EPB41L4A: variants seen among roughly 807,000 people sequenced by gnomAD.
The protein encoded by EPB41L4A is erythrocyte membrane protein band 4.1 like 4A.
A neutral mutation model predicts 108.6 loss-of-function variants in EPB41L4A; 100 were observed. The ratio of observed to expected loss-of-function variants is 0.92; its 90% CI spans 0.78 to 1.09. The LOEUF is 1.09. Ranked by LOEUF, EPB41L4A falls within the 50% of genes least tolerant of loss-of-function variation. The pLI, the probability that EPB41L4A is intolerant of heterozygous loss-of-function variation, is 0.00. For missense variants in EPB41L4A, 1,030 were observed against 842.7 expected, an observed-to-expected ratio of 1.22 and a Z score of -2.75; for synonymous variants, 319 against 289.0, an observed-to-expected ratio of 1.10 and a Z score of -1.05.
At position 112,275,398 on chromosome 5, in the gene EPB41L4A, G is replaced by C; in HGVS notation, c.263C>G (p.Pro88Arg). The change falls in exon 4 of 23, where the codon CCT (proline) becomes CGT (arginine). Residue 88 changes from proline to arginine, a missense_variant. Pro to Arg is a moderately radical substitution (Grantham distance 103). Transcript: ENST00000261486. ...AATACCAAAATACAAAGTATATGGA[G>C]GTCCAGCTAAAATAAGAAATAGAAA... Reference protein sequence around the residue: ...AEHKELINTGPPYTLYFGIKF... With the variant: ...AEHKELINTGRPYTLYFGIKF... 1 of 1,536,920 alleles carries C rather than the reference G, an allele frequency of 6.5e-7. No individual in the cohort carries two copies. The highest frequency in any genetic ancestry group is 8.8e-7 in the Non-Finnish European group (1 of 1,136,900).
At position 112,204,344 on chromosome 5, in the gene EPB41L4A, G is replaced by A. The variant is rs201176515; in HGVS notation, c.1376+31C>T. ...CTGGGACAAAATGCTTCTGTTGAAAGCTGCTAACAGAGAGATTGTGTTCCG... is the reference window on the plus strand; with the variant it reads ...CTGGGACAAAATGCTTCTGTTGAAAACTGCTAACAGAGAGATTGTGTTCCG... On this transcript the variant is annotated intron_variant, in intron 15 of 22. Transcript: ENST00000261486. 5.1e-5 allele frequency: 75 copies of A among 1,462,566 alleles called. No homozygotes were observed. The East Asian group carries it at 1.6e-3, about 32-fold the overall frequency. 90.6% of individuals were successfully genotyped at this position (1,462,566 alleles called of 1,614,324 possible).
chr5:112,410,600 T>C (rs1762350173), intron 1 of EPB41L4A, among the ~76,000 whole-genome samples: 1 of 152,068 alleles, frequency 6.6e-6, no homozygotes, highest in African/African-American at 2.4e-5. Context: ...GTGACAACAG[T>C]ACCCACAACT....
intron 12 of EPB41L4A, among the ~76,000 whole-genome samples, chr5:112,224,414 A>T (rs1445356929): frequency 6.6e-6 from 1 of 152,214 alleles, no homozygotes; most frequent in Non-Finnish European, 1.5e-5. Context: ...AACTTTCTAA[A>T]ATTCCACTGT....
chr5:112,408,246 A>G (rs1762195379), intron 1 of EPB41L4A, among the ~76,000 whole-genome samples: 1 of 152,202 alleles, frequency 6.6e-6, no homozygotes, highest in African/African-American at 2.4e-5. Flanking sequence ...AAGGCTATTA[A>G]AAATCTTAAA....
rs887214973 is a variant in EPB41L4A at position 112,307,411 on chromosome 5, C to T, written c.179G>A (p.Arg60His). 6 of 1,612,730 alleles carry T rather than the reference C, an allele frequency of 3.7e-6. No individual in the cohort carries two copies. The highest frequency in any genetic ancestry group is 2.2e-5 in the East Asian group (1 of 44,860). The stretch of plus-strand genomic sequence containing the variant: ...CGTCTGATGGCTTCTGTCACAGTAA[C>T]GTAGCCCAAAATAATCTATCTCCAC... The part of the protein sequence containing the change: ...NLVEIDYFGL[R>H]YCDRSHQTYW... Residue 60 changes from arginine (R) to histidine (H), a missense_variant, in exon 2 of 23, where the codon CGT (arginine) becomes CAT (histidine). Coordinates refer to ENST00000261486, the MANE Select transcript of EPB41L4A (RefSeq NM_022140.5).
At chr5:112,361,935 T>G in intron 1 of EPB41L4A, among the ~76,000 whole-genome samples, 1 of 152,152 alleles carries the variant, frequency 6.6e-6, no homozygotes, top group Non-Finnish European at 1.5e-5. Context: ...GAGAATCTAA[T>G]TCTAAAAAGT....
chr5:112,284,769 A>G (rs1753176289), intron 2 of EPB41L4A, among the ~76,000 whole-genome samples: 1 of 152,186 alleles, frequency 6.6e-6, no homozygotes, highest in Non-Finnish European at 1.5e-5. Flanking sequence ...GCAGTTAGAC[A>G]GCCTTACCAC....
At chr5:112,352,747 A>G (rs1341411424) in intron 1 of EPB41L4A, among the ~76,000 whole-genome samples, 1 of 152,000 alleles carries the variant, frequency 6.6e-6, no homozygotes, top group Non-Finnish European at 1.5e-5. Context: ...AATCCTTTGT[A>G]TTGTTGATGT....
chr5:112,154,435 T>A (rs1282981369), intron 12 of EPB41L4A, among the ~76,000 whole-genome samples: 3 of 152,242 alleles, frequency 2.0e-5, no homozygotes, highest in African/African-American at 4.8e-5. Context: ...TTTTGATATT[T>A]AACATTCAAT....
chr5:112,367,155 G>T (rs1343178242), intron 1 of EPB41L4A, among the ~76,000 whole-genome samples: 1 of 152,156 alleles, frequency 6.6e-6, no homozygotes, highest in East Asian at 1.9e-4. Flanking sequence ...TCTTTCAACA[G>T]CCGGACCAAT....
intron 1 of EPB41L4A, among the ~76,000 whole-genome samples, chr5:112,377,242 G>A (rs1480797130): frequency 6.6e-6 from 1 of 150,516 alleles, no homozygotes; most frequent in Non-Finnish European, 1.5e-5. Context: ...GACAATATGT[G>A]GAATCTTTGA....
intron 1 of EPB41L4A, among the ~76,000 whole-genome samples, chr5:112,399,123 T>C (rs938768482): frequency 1.3e-5 from 2 of 152,048 alleles, no homozygotes; most frequent in Admixed American, 1.3e-4. Context: ...TTCCTCTCAA[T>C]ACACCCTCCC....
chr5:112,389,355 C>G (rs1337392689), intron 1 of EPB41L4A, among the ~76,000 whole-genome samples: 1 of 152,194 alleles, frequency 6.6e-6, no homozygotes, highest in Non-Finnish European at 1.5e-5. Context: ...TAGGCCCCAA[C>G]AGACCAGACT....
chr5:112,264,602 C>A, intron 6 of EPB41L4A: 1 of 210,324 alleles, frequency 4.8e-6, no homozygotes, highest in Non-Finnish European at 9.3e-6. Context: ...ATACATGAAC[C>A]TATGTATGAC....
chr5:112,386,876 G>C (rs905657902), intron 1 of EPB41L4A, among the ~76,000 whole-genome samples: 1 of 152,224 alleles, frequency 6.6e-6, no homozygotes, highest in African/African-American at 2.4e-5. Context: ...GAGGAAAACA[G>C]ACCAGATGGT....
intron 22 of EPB41L4A, among the ~76,000 whole-genome samples, chr5:112,167,401 A>C (rs1760315280): frequency 6.6e-6 from 1 of 152,184 alleles, no homozygotes; most frequent in Non-Finnish European, 1.5e-5. Flanking sequence ...ATCTCATCAA[A>C]TATTATGCAG....
At chr5:112,371,525 G>T (rs1033738176) in intron 1 of EPB41L4A, among the ~76,000 whole-genome samples, 3 of 152,116 alleles carry the variant, frequency 2.0e-5, no homozygotes, top group African/African-American at 7.2e-5. Flanking sequence ...AGCCACATCT[G>T]GCTGGTCTTG....
intron 9 of EPB41L4A, among the ~76,000 whole-genome samples, chr5:112,247,065 A>G (rs906352044): frequency 6.6e-6 from 1 of 152,212 alleles, no homozygotes; most frequent in African/African-American, 2.4e-5. Context: ...AAAATATTCT[A>G]TGATGTATAC....
chr5:112,159,179 T>TC (rs1427964786), downstream of EPB41L4A, among the ~76,000 whole-genome samples: 1 of 152,108 alleles, frequency 6.6e-6, no homozygotes, highest in Admixed American at 6.5e-5. Flanking sequence ...CTTTTTTTTT[T>TC]AAACCACTTT....
Sources: allele counts gnomAD v4.1 joint callset (sites outside exome capture counted in the v4.1 genomes callset), GRCh38; gene constraint gnomAD v4.1.1; transcripts MANE v1.5; gene names NCBI Gene and HGNC (gene_info 2026-07-23, HGNC 2026-07-21).